C10orf88: variants seen among roughly 807,000 people sequenced by gnomAD.
C10orf88 encodes the protein ATPase PAAT.
C10orf88 carries 29 observed loss-of-function variants against 34.2 expected under a neutral mutation model. The observed-to-expected ratio is 0.85, with a 90% CI of 0.63 to 1.16. The LOEUF is 1.16. Ranked by LOEUF, C10orf88 falls within the 50% of genes most tolerant of loss-of-function variation. The pLI, the probability that C10orf88 is intolerant of heterozygous loss-of-function variation, is 0.00. For synonymous variants in C10orf88, 194 were observed against 197.4 expected (o/e 0.98, Z 0.15); for missense variants, 507 against 533.2 (o/e 0.95, Z 0.48).
At chr10:122,943,087 C>T (rs1335709882) in intron 4 of C10orf88, among the ~76,000 whole-genome samples, 3 of 151,570 alleles carry the variant, frequency 2.0e-5, no homozygotes, top group Non-Finnish European at 2.9e-5. Flanking sequence ...GCCAAAAGAA[C>T]AAAGCTGGAG....
rs2133329473 is a variant in C10orf88 at position 122,937,922 on chromosome 10, C to T, written c.886G>A (p.Val296Ile). 5 of 1,613,332 alleles carry T rather than the reference C, an allele frequency of 3.1e-6. No homozygotes were observed. The highest frequency in any genetic ancestry group is 4.2e-6 in the Non-Finnish European group (5 of 1,179,486). ...AGAAAGGAATGGTTTTGAGGCATAA[C>T]TTTACACTCATCAAGCTTGGTAGAA... ...ENSTKLDECK[V>I]MPQNHSFLEN... The change falls in exon 5 of 6, where the codon GTT (valine) becomes ATT (isoleucine). Residue 296 changes from valine (V) to isoleucine (I), a missense_variant. Coordinates refer to ENST00000481909, the MANE Select transcript of C10orf88 (RefSeq NM_024942.4).
At chr10:122,941,885 G>T (rs1848586591) in intron 4 of C10orf88, among the ~76,000 whole-genome samples, 1 of 152,046 alleles carries the variant, frequency 6.6e-6, no homozygotes, top group Non-Finnish European at 1.5e-5. Context: ...TGGCATGGGG[G>T]AGAGCCTTCT....
chr10:122,941,625 T>G (rs1487933930), intron 4 of C10orf88, among the ~76,000 whole-genome samples: 1 of 152,136 alleles, frequency 6.6e-6, no homozygotes, highest in Non-Finnish European at 1.5e-5. Flanking sequence ...AATGTATAGA[T>G]GCCTAGTTTG....
In C10orf88 at chr10:122,938,046, G is replaced by T; in HGVS notation, c.762C>A (p.Ser254=). The change falls in exon 5 of 6, where the codon TCC becomes TCA. Residue 254 remains serine, a synonymous_variant. Transcript: ENST00000481909. ...ATCCAGTTCTAAAAGGAAAAGGTGT[G>T]GAGGACGACTTGTTTAAGGTTCCTA... ...STLGTLNKSS[S]TPFPFRTGLT... is the part of the protein sequence containing the mutation. 6.2e-7 allele frequency: 1 copy of T among 1,613,292 alleles called. No homozygotes were observed. The highest frequency in any genetic ancestry group is 1.1e-5 in the South Asian group (1 of 91,068).
intron 4 of C10orf88, among the ~76,000 whole-genome samples, chr10:122,941,976 A>C (rs1157487494): frequency 6.6e-6 from 1 of 152,136 alleles, no homozygotes; most frequent in Non-Finnish European, 1.5e-5. Flanking sequence ...ATAGAATGAC[A>C]GCTGGAAAAC....
At chr10:122,944,881 C>A (rs891981753) in intron 4 of C10orf88, among the ~76,000 whole-genome samples, 2 of 151,562 alleles carry the variant, frequency 1.3e-5, no homozygotes, top group Non-Finnish European at 2.9e-5. Context: ...CCCAAATACC[C>A]AGTTACTACC....
chr10:122,948,010 C>G (rs2133335217), intron 4 of C10orf88, among the ~76,000 whole-genome samples: 1 of 152,276 alleles, frequency 6.6e-6, no homozygotes, highest in East Asian at 1.9e-4. Flanking sequence ...TTACACTTGA[C>G]AGTGGCTTAA....
chr10:122,950,076 C>G (rs138553509), intron 3 of C10orf88, among the ~76,000 whole-genome samples: 6 of 152,248 alleles, frequency 3.9e-5, no homozygotes, highest in African/African-American at 1.4e-4. Context: ...GTACAGACAA[C>G]AGAGTAGCAA....
At position 122,938,023 on chromosome 10, in the gene C10orf88, C is replaced by A; in HGVS notation, c.785G>T (p.Gly262Val). Residue 262 changes from glycine to valine, a missense_variant, in exon 5 of 6, where the codon GGA becomes GTA. Coordinates refer to ENST00000481909, the MANE Select transcript of C10orf88 (RefSeq NM_024942.4). The stretch of plus-strand genomic sequence containing the variant: ...TTCAGTCACGTTCCCAGATGTCAAT[C>A]CAGTTCTAAAAGGAAAAGGTGTGGA... ...SSSTPFPFRT[G>V]LTSGNVTENL... 1 of 1,613,324 alleles carries A rather than the reference C, an allele frequency of 6.2e-7. No individual in the cohort carries two copies.
At chr10:122,942,346 A>G (rs1848592612) in intron 4 of C10orf88, among the ~76,000 whole-genome samples, 1 of 152,318 alleles carries the variant, frequency 6.6e-6, no homozygotes, top group Non-Finnish European at 1.5e-5. Flanking sequence ...AAAACTCTCA[A>G]TAAATTAGGT....
intron 4 of C10orf88, among the ~76,000 whole-genome samples, chr10:122,943,675 C>G (rs1402612454): frequency 6.6e-6 from 1 of 152,008 alleles, no homozygotes; most frequent in Non-Finnish European, 1.5e-5. Flanking sequence ...AACAAATTTA[C>G]AAGAAAAAAA....
At chr10:122,945,676 T>C (rs1004662910) in intron 4 of C10orf88, among the ~76,000 whole-genome samples, 4 of 152,034 alleles carry the variant, frequency 2.6e-5, no homozygotes, top group Admixed American at 1.3e-4. Flanking sequence ...CAAAAAAAGC[T>C]TAATAGAAAA....
intron 1 of C10orf88, among the ~76,000 whole-genome samples, chr10:122,953,376 CG>C (rs1848711561): frequency 6.6e-6 from 1 of 152,156 alleles, no homozygotes; most frequent in South Asian, 2.1e-4. Flanking sequence ...CGTGCCCGGC[CG>C]GGGCTTCTTT....
intron 4 of C10orf88, among the ~76,000 whole-genome samples, chr10:122,946,997 T>C (rs986528680): frequency 6.6e-6 from 1 of 152,000 alleles, no homozygotes; most frequent in Admixed American, 6.6e-5. Context: ...GAATCAGGAT[T>C]AATTCTAAGT....
chr10:122,951,869 T>A, intron 3 of C10orf88, 85 bp downstream of exon 3: 1 of 831,114 alleles, frequency 1.2e-6, no homozygotes, highest in Non-Finnish European at 2.0e-6. Flanking sequence ...TTGGACTAAT[T>A]GTATTACTAA....
chr10:122,944,519 G>T (rs1848619190), intron 4 of C10orf88, among the ~76,000 whole-genome samples: 1 of 151,876 alleles, frequency 6.6e-6, no homozygotes, highest in East Asian at 1.9e-4. Flanking sequence ...AAAACTTAAA[G>T]TATAATAATA....
chr10:122,954,130 C>G lies in C10orf88; in HGVS notation c.49G>C (p.Ala17Pro). 3 of 1,587,186 alleles carry G rather than the reference C, an allele frequency of 1.9e-6. No individual in the cohort carries two copies. The highest frequency in any genetic ancestry group is 2.6e-6 in the Non-Finnish European group (3 of 1,170,476). ...CCGCCTGCAACATCCCAAGAAGAGG[C>G]CAGCGTGGGGCGGCGGGTGAGGCCC... is the stretch of plus-strand genomic sequence containing the variant. ...DGGLTRRPTL[A>P]SSWDVAGGAL... The change falls in exon 1 of 6, where the codon GCC becomes CCC. Residue 17 changes from alanine to proline, a missense_variant. Physicochemically the swap from Ala to Pro is conservative, Grantham distance 27. Coordinates refer to ENST00000481909, the MANE Select transcript of C10orf88 (RefSeq NM_024942.4).
At position 122,942,530 on chromosome 10, in the gene C10orf88, T is replaced by C. The variant is rs1478688044; in HGVS notation, c.649-4371A>G. 2.0e-4 allele frequency among the ~76,000 whole-genome samples: 30 copies of C among 151,538 alleles called. No homozygotes were observed. In the South Asian group the frequency reaches 2.1e-3, roughly 11 times the overall value. On this transcript the variant is annotated intron_variant, in intron 4 of 5. Transcript: ENST00000481909. ...TGTTGGAAGTTCTGGCCAGGGCAAT[T>C]AGGCAGGAGAAGGAAATAAAGGGTA... is the stretch of plus-strand genomic sequence containing the variant.
chr10:122,942,293 T>C (rs1848591928), intron 4 of C10orf88, among the ~76,000 whole-genome samples: 1 of 151,990 alleles, frequency 6.6e-6, no homozygotes, highest in Admixed American at 6.6e-5. Context: ...TCTCAATAGA[T>C]GCAGAAAAGG....
Sources: allele counts gnomAD v4.1 joint callset (sites outside exome capture counted in the v4.1 genomes callset), GRCh38; gene constraint gnomAD v4.1.1; transcripts MANE v1.5; gene names NCBI Gene and HGNC (gene_info 2026-07-23, HGNC 2026-07-21).